Variants in ENTREP2 observed in about 807,000 individuals in gnomAD.
ENTREP2 encodes protein ENTREP2.
At chr15:29,531,645 T>C in the ENTREP2 span, among the ~76,000 whole-genome samples, 2 of 152,340 alleles carry the variant, frequency 1.3e-5, no homozygotes, top group East Asian at 1.9e-4. Flanking sequence ...AACATGTTGT[T>C]TGAAATATGT....
the ENTREP2 span, among the ~76,000 whole-genome samples, chr15:29,488,848 A>T: frequency 3.3e-5 from 5 of 152,194 alleles, no homozygotes; most frequent in Non-Finnish European, 7.3e-5. Flanking sequence ...ACCCTTGAAA[A>T]ATGAAGGAGA....
the ENTREP2 span, among the ~76,000 whole-genome samples, chr15:29,387,541 T>C: frequency 1.3e-5 from 2 of 152,192 alleles, no homozygotes; most frequent in Non-Finnish European, 1.5e-5. Context: ...ATGGACATAA[T>C]GCCGAAGGTA....
the ENTREP2 span, among the ~76,000 whole-genome samples, chr15:29,155,761 A>AC: frequency 6.6e-6 from 1 of 151,438 alleles, no homozygotes; most frequent in Non-Finnish European, 1.5e-5. Flanking sequence ...TTTATCACCC[A>AC]CCCCTCAGGG....
At chr15:29,469,434 C>T in the ENTREP2 span, among the ~76,000 whole-genome samples, 2 of 152,092 alleles carry the variant, frequency 1.3e-5, no homozygotes, top group Admixed American at 1.3e-4. Flanking sequence ...TACTGACCTC[C>T]AGTGATCCAC....
At chr15:29,122,971 G>A in the ENTREP2 span, 1 of 180,648 alleles carries the variant, frequency 5.5e-6, no homozygotes, top group Non-Finnish European at 1.2e-5. Flanking sequence ...CCTGATTTTG[G>A]AGATACTTTG....
the ENTREP2 span, among the ~76,000 whole-genome samples, chr15:29,366,162 C>T: frequency 6.6e-6 from 1 of 152,198 alleles, no homozygotes; most frequent in Non-Finnish European, 1.5e-5. Flanking sequence ...CAACCTCCGC[C>T]TCCCAGGTTC....
the ENTREP2 span, among the ~76,000 whole-genome samples, chr15:29,165,735 A>C: frequency 2.0e-5 from 3 of 152,060 alleles, no homozygotes; most frequent in African/African-American, 7.2e-5. Flanking sequence ...GATTCTAAGA[A>C]GACTTTCTAA....
chr15:29,392,123 C>A, the ENTREP2 span, among the ~76,000 whole-genome samples: 2 of 151,258 alleles, frequency 1.3e-5, no homozygotes, highest in African/African-American at 2.4e-5. Flanking sequence ...CCACTGTGCC[C>A]GGCCTTTTTT....
At chr15:29,627,038 G>A in the ENTREP2 span, among the ~76,000 whole-genome samples, 1 of 151,908 alleles carries the variant, frequency 6.6e-6, no homozygotes, top group Admixed American at 6.6e-5. Flanking sequence ...GGTTTCCTGG[G>A]GTGGGTGCTT....
chr15:29,597,179 C>T, the ENTREP2 span, among the ~76,000 whole-genome samples: 1 of 151,940 alleles, frequency 6.6e-6, no homozygotes, highest in Non-Finnish European at 1.5e-5. Flanking sequence ...TTGTCTCTGT[C>T]GCTTGCTTTT....
the ENTREP2 span, among the ~76,000 whole-genome samples, chr15:29,595,281 G>T: frequency 1.5e-5 from 2 of 137,816 alleles, no homozygotes; most frequent in African/African-American, 2.8e-5. Context: ...AATAAAATAA[G>T]CTTTTGTGTT....
chr15:29,570,625 C>A, the ENTREP2 span: 1 of 1,430,264 alleles, frequency 7.0e-7, no homozygotes, highest in Non-Finnish European at 9.2e-7. Context: ...CCCCGAGCGC[C>A]AGCACGATGC....
the ENTREP2 span, among the ~76,000 whole-genome samples, chr15:29,341,841 G>A: frequency 1.9e-4 from 29 of 152,236 alleles, no homozygotes; most frequent in African/African-American, 7.0e-4. Context: ...CCGTGGCGCT[G>A]GACTACAGGA....
the ENTREP2 span, among the ~76,000 whole-genome samples, chr15:29,556,529 A>G: frequency 2.6e-5 from 4 of 152,204 alleles, no homozygotes; most frequent in Admixed American, 6.5e-5. Flanking sequence ...TAGTTAACTC[A>G]GTATTTTCAT....
chr15:29,231,889 TC>T, the ENTREP2 span, among the ~76,000 whole-genome samples: 220 of 139,324 alleles, frequency 1.6e-3, 16 homozygotes, highest in East Asian at 0.021. Context: ...TCTTTTCTTT[TC>T]TTTCTTTTTT....
At chr15:29,362,572 A>G in the ENTREP2 span, among the ~76,000 whole-genome samples, 5 of 151,668 alleles carry the variant, frequency 3.3e-5, no homozygotes, top group Non-Finnish European at 7.4e-5. Context: ...AAAGGGTTTT[A>G]CCATGTTACC....
At chr15:29,165,964 C>T in the ENTREP2 span, among the ~76,000 whole-genome samples, 3 of 152,060 alleles carry the variant, frequency 2.0e-5, no homozygotes, top group Non-Finnish European at 4.4e-5. Context: ...ATCAAAAAGA[C>T]AATACATCAT....
chr15:29,191,745 T>C, the ENTREP2 span, among the ~76,000 whole-genome samples: 1 of 152,028 alleles, frequency 6.6e-6, no homozygotes, highest in African/African-American at 2.4e-5. Flanking sequence ...TGAGATCCTA[T>C]CTCTACAAAC....
the ENTREP2 span, among the ~76,000 whole-genome samples, chr15:29,472,858 A>G: frequency 6.6e-6 from 1 of 152,182 alleles, no homozygotes; most frequent in South Asian, 2.1e-4. Context: ...TTTTTTAAAG[A>G]TTTTAGGTTT....
Sources: gnomAD v4.1 joint callset for allele counts (sites outside exome capture counted in the v4.1 genomes callset) on GRCh38, gnomAD v4.1.1 for gene constraint, MANE v1.5 for transcripts, NCBI Gene and HGNC (gene_info 2026-07-23, HGNC 2026-07-21) for gene names.